NCAPD3: variants seen among roughly 807,000 people sequenced by gnomAD.
The protein encoded by NCAPD3 is non-SMC condensin II complex subunit D3.
Under a neutral mutation model 182.9 loss-of-function variants are expected in NCAPD3, and 105 were observed. The observed-to-expected ratio is 0.57, with a 90% CI of 0.49 to 0.68. The LOEUF is 0.68. Among genes scored for constraint, NCAPD3 ranks in the 30% least tolerant of loss-of-function variants. The pLI, the probability that NCAPD3 is intolerant of heterozygous loss-of-function variation, is 0.00. For synonymous variants in NCAPD3, 815 were observed against 679.9 expected, an observed-to-expected ratio of 1.20 and a Z score of -3.09; for missense variants, 1,944 against 1,837.0, an observed-to-expected ratio of 1.06 and a Z score of -1.07.
At chr11:134,179,923 C>G (rs552002585) in intron 20 of NCAPD3, among the ~76,000 whole-genome samples, 1 of 151,724 alleles carries the variant, frequency 6.6e-6, no homozygotes, top group Non-Finnish European at 1.5e-5. Context: ...TATTTAAGTT[C>G]TATTTAAAGA....
chr11:134,158,459 CA>C lies in NCAPD3; in HGVS notation c.3903del (p.Gly1302AlafsTer11). 6.2e-7 allele frequency: 1 copy of C among 1,614,072 alleles called. No homozygotes were observed. Among genetic ancestry groups the C allele is most frequent in the South Asian group, 1.1e-5 (1 of 91,080 alleles). On this transcript the variant is annotated frameshift_variant, in exon 30 of 35. Coordinates refer to ENST00000534548, the MANE Select transcript of NCAPD3 (RefSeq NM_015261.3). LOFTEE classifies it high-confidence loss of function. ...ALCLETVPVP[A>X]GQENPAMSPA... ...GGTGACATGGCAGGGTTTTCTTGGC[CA>C]GCAGGAACTGGCACTGTTTCTAAAC...
At chr11:134,178,777 T>C in intron 21 of NCAPD3, 36 bp from the exon 22 acceptor site, 1 of 1,608,944 alleles carries the variant, frequency 6.2e-7, no homozygotes, top group South Asian at 1.1e-5. Context: ...CGACAGAACC[T>C]TGAAACGGCA....
Position 134,223,864 on chromosome 11 carries a change from G to A in NCAPD3, c.63C>T (p.Leu21=). Residue 21 remains leucine (L), a splice_region_variant and synonymous_variant, in exon 1 of 35, where the codon CTC becomes CTT. Transcript: ENST00000534548. ...LQPWCPLDLR[L]EWVDTVWELD... is the part of the protein sequence containing the mutation. ...GGCCTCCCGGCTGCATCTGCTCACC[G>A]AGTCTAAGATCCAGCGGACACCAGG... is the stretch of plus-strand genomic sequence containing the variant. 5 of 1,612,014 alleles carry A rather than the reference G, an allele frequency of 3.1e-6. No homozygotes were observed. Among genetic ancestry groups the A allele is most frequent in the Non-Finnish European group, 4.2e-6 (5 of 1,179,502 alleles).
At chr11:134,172,549 C>T (rs772375062) in intron 24 of NCAPD3, among the ~76,000 whole-genome samples, 21 of 152,170 alleles carry the variant, frequency 1.4e-4, no homozygotes, top group African/African-American at 2.7e-4. Flanking sequence ...TTATTTGAGG[C>T]GCTGTCCTGC....
At chr11:134,167,452 T>C (rs1156338805) in intron 27 of NCAPD3, among the ~76,000 whole-genome samples, 1 of 109,326 alleles carries the variant, frequency 9.1e-6, no homozygotes, top group African/African-American at 3.6e-5. Context: ...GAGAGGAGCT[T>C]AGGGGAGGCG....
intron 2 of NCAPD3, among the ~76,000 whole-genome samples, 161 bp from the exon 3 acceptor site, chr11:134,217,259 A>G (rs1938063791): frequency 6.6e-6 from 1 of 152,250 alleles, no homozygotes; most frequent in South Asian, 2.1e-4. Context: ...CTGAAACAAA[A>G]TATCAAAATT....
chr11:134,193,837 G>T (rs955404732), intron 15 of NCAPD3, among the ~76,000 whole-genome samples, 179 bp downstream of exon 15: 2 of 152,180 alleles, frequency 1.3e-5, no homozygotes, highest in African/African-American at 4.8e-5. Context: ...TGTTTAATAG[G>T]AAGCACAGTC....
At chr11:134,170,961 T>C (rs1490141448) in intron 24 of NCAPD3, among the ~76,000 whole-genome samples, 2 of 152,216 alleles carry the variant, frequency 1.3e-5, no homozygotes, top group African/African-American at 4.8e-5. Flanking sequence ...AGCTTCCTAA[T>C]TGGAGAAGAG....
chr11:134,153,546 T>C, intron 32 of NCAPD3, 183 bp from the exon 33 acceptor site: 1 of 644,722 alleles, frequency 1.6e-6, no homozygotes, highest in East Asian at 2.7e-5. Context: ...GATGCTCCTT[T>C]CCGTCTCTCT....
intron 2 of NCAPD3, among the ~76,000 whole-genome samples, chr11:134,218,117 G>C (rs1173586936): frequency 4.5e-5 from 5 of 111,982 alleles, no homozygotes; most frequent in Non-Finnish European, 9.9e-5. Context: ...AAAAGGGGGG[G>C]GGGGGAAGAA....
chr11:134,154,446 C>G (rs1250480382), intron 32 of NCAPD3, among the ~76,000 whole-genome samples: 1 of 151,476 alleles, frequency 6.6e-6, no homozygotes, highest in Non-Finnish European at 1.5e-5. Flanking sequence ...TCTTCCTCAG[C>G]AGGCCCTGTC....
intron 19 of NCAPD3, among the ~76,000 whole-genome samples, chr11:134,184,435 C>A (rs986126470): frequency 6.6e-6 from 1 of 152,204 alleles, no homozygotes; most frequent in East Asian, 1.9e-4. Flanking sequence ...TCTAAGGGTG[C>A]CGTGTCTCTT....
chr11:134,158,210 G>C, intron 30 of NCAPD3, 119 bp downstream of exon 30: 3 of 1,518,378 alleles, frequency 2.0e-6, no homozygotes, highest in Non-Finnish European at 2.7e-6. Context: ...AGTGTGGAGC[G>C]GGGTGGCAGG....
intron 3 of NCAPD3, among the ~76,000 whole-genome samples, chr11:134,215,710 C>T (rs937954438): frequency 1.3e-5 from 2 of 152,148 alleles, no homozygotes; most frequent in African/African-American, 4.8e-5. Context: ...GTTAAATTGG[C>T]AATACTTCAC....
At chr11:134,159,816 T>G (rs896610444) in intron 29 of NCAPD3, 76 bp downstream of exon 29, 51 of 1,444,426 alleles carry the variant, frequency 3.5e-5, no homozygotes, top group Non-Finnish European at 4.5e-5. Flanking sequence ...TCTTGAGAGG[T>G]GCCAGACAAA....
Position 134,150,463 on chromosome 11 carries a change from C to T in NCAPD3, c.*2481G>A, listed in dbSNP as rs1344014940. 2 of 152,244 alleles carry T rather than the reference C, an allele frequency of 1.3e-5. No homozygotes were observed. Among genetic ancestry groups the T allele is most frequent in the Non-Finnish European group, 2.9e-5 (2 of 68,062 alleles). 9.4% of individuals were successfully genotyped at this position (152,244 alleles called of 1,614,324 possible). Reference sequence around the variant, plus strand: ...CAGGAGGCCCTGCCATCCTTGGGCCCTGGCAGTGGCTGTGTCCCAGTGAGC... The same window carrying T: ...CAGGAGGCCCTGCCATCCTTGGGCCTTGGCAGTGGCTGTGTCCCAGTGAGC... On this transcript the variant is annotated 3_prime_UTR_variant, in exon 35 of 35. Coordinates refer to ENST00000534548, the MANE Select transcript of NCAPD3 (RefSeq NM_015261.3).
At chr11:134,222,756 GAA>G (rs1938281284) in intron 1 of NCAPD3, among the ~76,000 whole-genome samples, 1 of 152,188 alleles carries the variant, frequency 6.6e-6, no homozygotes, top group South Asian at 2.1e-4. Flanking sequence ...AATAAATGCA[GAA>G]AAGTGCCTCC....
chr11:134,158,909 A>G (rs1056148546), intron 29 of NCAPD3, among the ~76,000 whole-genome samples: 4 of 152,198 alleles, frequency 2.6e-5, no homozygotes, highest in Non-Finnish European at 5.9e-5. Flanking sequence ...ACATATATGA[A>G]TGAGAACATA....
chr11:134,159,884 A>C lies in NCAPD3; in HGVS notation c.3867+8T>G. 6.2e-7 allele frequency: 1 copy of C among 1,610,410 alleles called. No homozygotes were observed. The highest frequency in any genetic ancestry group is 8.5e-7 in the Non-Finnish European group (1 of 1,179,156). On this transcript the variant is annotated splice_region_variant and intron_variant, in intron 29 of 34. Coordinates refer to ENST00000534548, the MANE Select transcript of NCAPD3 (RefSeq NM_015261.3). Reference sequence around the variant, plus strand: ...GTCTGGTCACAGTGCAGTGGGCCCCACACCTACCTGTGCCACAGGTGCCAC... The same window carrying C: ...GTCTGGTCACAGTGCAGTGGGCCCCCCACCTACCTGTGCCACAGGTGCCAC...
Sources: allele counts gnomAD v4.1 joint callset (sites outside exome capture counted in the v4.1 genomes callset), GRCh38; gene constraint gnomAD v4.1.1; transcripts MANE v1.5; gene names NCBI Gene and HGNC (gene_info 2026-07-23, HGNC 2026-07-21).